Variants in CDH13 observed in about 807,000 individuals in gnomAD.
CDH13 encodes cadherin 13.
In CDH13, 24 loss-of-function variants were observed where a neutral mutation model predicts 63.8. That is an observed-to-expected ratio of 0.38 (90% CI 0.27 to 0.53). The LOEUF (loss-of-function observed/expected upper bound fraction) is 0.53, where lower values mean the gene tolerates loss of function less well. Ranked by LOEUF, CDH13 falls within the 20% of genes least tolerant of loss-of-function variation. CDH13 has a pLI of 0.85. For missense variants in CDH13, 1,049 were observed against 903.1 expected (o/e 1.16, Z -2.07); for synonymous variants, 503 against 355.3 (o/e 1.42, Z -4.67).
At chr16:82,713,525 C>G (rs1179716186) in intron 1 of CDH13, among the ~76,000 whole-genome samples, 1 of 152,048 alleles carries the variant, frequency 6.6e-6, no homozygotes, top group Non-Finnish European at 1.5e-5. Flanking sequence ...TGCGGTGTTT[C>G]CGGGAGTCAG....
intron 2 of CDH13, among the ~76,000 whole-genome samples, chr16:82,863,657 A>ATTC: frequency 6.6e-6 from 1 of 152,156 alleles, no homozygotes; most frequent in East Asian, 1.9e-4. Context: ...TATTATTATT[A>ATTC]TTATTGTCCT....
rs1909794839 is a variant in CDH13 at position 82,644,258 on chromosome 16, G to A, written c.45+17121G>A. 6.6e-6 allele frequency among the ~76,000 whole-genome samples: 1 copy of A among 152,094 alleles called. No homozygotes were observed. The highest frequency in any genetic ancestry group is 6.5e-5 in the Admixed American group (1 of 15,276). On this transcript the variant is annotated intron_variant, in intron 1 of 13. Transcript: ENST00000567109. The surrounding 1 kb of genome is among the most constrained non-coding windows in gnomAD (Gnocchi z 5.7). ...GAAGTCAATCTAAGGTCTAAGGCTG[G>A]GAAAGGAGCTCCCACTTCTTACATT...
At chr16:82,874,578 T>C (rs2151193838) in intron 2 of CDH13, among the ~76,000 whole-genome samples, 1 of 152,324 alleles carries the variant, frequency 6.6e-6, no homozygotes, top group Non-Finnish European at 1.5e-5. Flanking sequence ...AGAGGATCTA[T>C]TTTTAGCTAA....
intron 13 of CDH13, among the ~76,000 whole-genome samples, chr16:83,791,181 A>C (rs1190940614): frequency 6.6e-6 from 1 of 152,030 alleles, no homozygotes; most frequent in African/African-American, 2.4e-5. Context: ...GCCCCACCCC[A>C]TGTCAGCTAA....
intron 2 of CDH13, among the ~76,000 whole-genome samples, chr16:82,909,579 G>A (rs556738345): frequency 4.1e-4 from 63 of 152,154 alleles, no homozygotes; most frequent in African/African-American, 1.4e-3. Context: ...CAGTCATGGC[G>A]GAAGGCAAAT....
chr16:83,299,528 C>T (rs961056591), intron 5 of CDH13, among the ~76,000 whole-genome samples: 1 of 152,212 alleles, frequency 6.6e-6, no homozygotes, highest in African/African-American at 2.4e-5. Context: ...CACTAGAGAT[C>T]ATCTTACTTC....
intron 2 of CDH13, among the ~76,000 whole-genome samples, chr16:82,900,421 A>G (rs968639257): frequency 2.5e-5 from 1 of 39,384 alleles, no homozygotes; most frequent in Non-Finnish European, 5.3e-5. Flanking sequence ...GCCTGGTTCA[A>G]GAAGTACAGG....
intron 5 of CDH13, among the ~76,000 whole-genome samples, chr16:83,272,681 G>A (rs1039100267): frequency 2.0e-5 from 3 of 152,148 alleles, no homozygotes; most frequent in African/African-American, 7.2e-5. Context: ...GGCCCCTGAA[G>A]ATTTCATAAG....
chr16:83,233,677 T>A (rs2040067395), intron 5 of CDH13, among the ~76,000 whole-genome samples: 1 of 152,170 alleles, frequency 6.6e-6, no homozygotes, highest in Admixed American at 6.5e-5. Context: ...CACACTGACA[T>A]CTTTCCTATT....
At chr16:83,700,428 A>T (rs911036910) in intron 10 of CDH13, among the ~76,000 whole-genome samples, 5 of 152,220 alleles carry the variant, frequency 3.3e-5, no homozygotes, top group African/African-American at 1.2e-4. Flanking sequence ...CTCCCGATTA[A>T]AAATAGCTAT....
intron 9 of CDH13, among the ~76,000 whole-genome samples, chr16:83,671,282 T>A (rs1426336183): frequency 6.6e-6 from 1 of 152,218 alleles, no homozygotes; most frequent in Non-Finnish European, 1.5e-5. Context: ...ACAGTCTCAC[T>A]CTGTCACCTA....
At chr16:83,459,619 C>G (rs577053360) in intron 6 of CDH13, among the ~76,000 whole-genome samples, 1 of 152,112 alleles carries the variant, frequency 6.6e-6, no homozygotes, top group African/African-American at 2.4e-5. Context: ...CTGACAGATT[C>G]GCAGATTTGT....
At chr16:83,679,662 C>A (rs1397084292) in intron 10 of CDH13, among the ~76,000 whole-genome samples, 1 of 152,076 alleles carries the variant, frequency 6.6e-6, no homozygotes, top group South Asian at 2.1e-4. Flanking sequence ...TGGAAACATG[C>A]AATTTAAACA....
At chr16:83,074,167 C>G (rs2032653662) in intron 3 of CDH13, among the ~76,000 whole-genome samples, 1 of 152,160 alleles carries the variant, frequency 6.6e-6, no homozygotes, top group African/African-American at 2.4e-5. Context: ...TGCATCCTTC[C>G]CAGCCTCTGG....
intron 4 of CDH13, among the ~76,000 whole-genome samples, chr16:83,207,414 C>G (rs77102415): frequency 6.6e-6 from 1 of 152,222 alleles, no homozygotes; most frequent in African/African-American, 2.4e-5. Flanking sequence ...ATCAGCATCT[C>G]CTTCCTTTTA....
In CDH13 at chr16:83,392,733, C is replaced by T. The variant is rs979305832; in HGVS notation, c.781+47727C>T. Among the ~76,000 whole-genome samples, 4 of 152,100 alleles carry T rather than the reference C, an allele frequency of 2.6e-5. No homozygotes were observed. The East Asian group carries it at 7.7e-4, about 29-fold the overall frequency. ...CAGCTTCAAAGACAGAACCAGCGCACGAGGCAGAATCACAGTGTCAGAGCT... is the reference window on the plus strand; with the variant it reads ...CAGCTTCAAAGACAGAACCAGCGCATGAGGCAGAATCACAGTGTCAGAGCT... On this transcript the variant is annotated intron_variant, in intron 6 of 13. Coordinates refer to ENST00000567109, the MANE Select transcript of CDH13 (RefSeq NM_001257.5).
intron 7 of CDH13, among the ~76,000 whole-genome samples, chr16:83,545,550 C>T (rs750371233): frequency 7.9e-5 from 12 of 152,134 alleles, no homozygotes; most frequent in Non-Finnish European, 1.5e-4. Flanking sequence ...ACAACCTGCC[C>T]CAGCCTCCAG....
At chr16:83,541,930 T>A (rs2075302931) in intron 7 of CDH13, among the ~76,000 whole-genome samples, 1 of 152,224 alleles carries the variant, frequency 6.6e-6, no homozygotes, top group African/African-American at 2.4e-5. Flanking sequence ...TATCCATCAT[T>A]GTACCCATTC....
At chr16:82,700,955 G>GCCCCCCCC (rs572286316) in intron 1 of CDH13, among the ~76,000 whole-genome samples, 8 of 10,428 alleles carry the variant, frequency 7.7e-4, no homozygotes, top group Admixed American at 1.7e-3. Context: ...GCTGGAACCC[G>GCCCCCCCC]CCCCCCCCCC....
Sources: allele counts gnomAD v4.1 joint callset (sites outside exome capture counted in the v4.1 genomes callset), GRCh38; gene constraint gnomAD v4.1.1; non-coding constraint Gnocchi (gnomAD v3.1); transcripts MANE v1.5; gene names NCBI Gene and HGNC (gene_info 2026-07-23, HGNC 2026-07-21).